The following BMPR1A variants were observed in gnomAD, a reference collection of about 807,000 sequenced individuals.
BMPR1A encodes the protein bone morphogenetic protein receptor type 1A.
A neutral mutation model predicts 66.0 loss-of-function variants in BMPR1A; 7 were observed. The observed-to-expected ratio is 0.11, with a 90% CI of 0.06 to 0.20. The LOEUF (loss-of-function observed/expected upper bound fraction) is 0.20, where lower values mean the gene tolerates loss of function less well. Among genes scored for constraint, BMPR1A ranks in the 10% least tolerant of loss-of-function variants. The probability of loss-of-function intolerance (pLI) is 1.00; values close to 1 mark genes in which losing one functional copy is unlikely to be tolerated. For synonymous variants in BMPR1A, 200 were observed against 229.7 expected (o/e 0.87, Z 1.17); for missense variants, 408 against 669.1 (o/e 0.61, Z 4.31).
intron 1 of BMPR1A, among the ~76,000 whole-genome samples, chr10:86,793,090 C>A (rs115284309): frequency 0.013 from 1,871 of 141,862 alleles, 41 homozygotes; most frequent in African/African-American, 0.047. Flanking sequence ...TCCTCCTGAT[C>A]TATACCCCCC....
chr10:86,919,743 A>C (rs1843635367), intron 10 of BMPR1A, among the ~76,000 whole-genome samples: 1 of 151,266 alleles, frequency 6.6e-6, no homozygotes, highest in Non-Finnish European at 1.5e-5. Flanking sequence ...TGTCTCACTC[A>C]GTTGCCCAGG....
At chr10:86,917,673 C>G (rs963250599) in intron 9 of BMPR1A, among the ~76,000 whole-genome samples, 2 of 152,186 alleles carry the variant, frequency 1.3e-5, no homozygotes, top group African/African-American at 4.8e-5. Context: ...CTCAACAGCC[C>G]AACATGCAGT....
At chr10:86,793,105 C>A (rs544903882) in intron 1 of BMPR1A, among the ~76,000 whole-genome samples, 1 of 138,294 alleles carries the variant, frequency 7.2e-6, no homozygotes, top group African/African-American at 2.8e-5. Flanking sequence ...CCCCCCCCCA[C>A]CCCCCGCCAC....
chr10:86,852,466 T>C (rs1842584043), intron 2 of BMPR1A, among the ~76,000 whole-genome samples: 1 of 152,000 alleles, frequency 6.6e-6, no homozygotes. Context: ...CTCAGAAAGC[T>C]GAGATGGGAG....
chr10:86,861,373 A>G (rs1050146865), intron 2 of BMPR1A, among the ~76,000 whole-genome samples: 5 of 152,120 alleles, frequency 3.3e-5, no homozygotes, highest in Non-Finnish European at 7.4e-5. Flanking sequence ...TTTTTTGGTC[A>G]TGCTTGTCAG....
chr10:86,881,110 G>C (rs1842979859), intron 3 of BMPR1A, among the ~76,000 whole-genome samples: 1 of 152,054 alleles, frequency 6.6e-6, no homozygotes, highest in Non-Finnish European at 1.5e-5. Flanking sequence ...TTAGCTGAGT[G>C]TGGTGATGTG....
At chr10:86,914,186 G>A (rs530995756) in intron 8 of BMPR1A, among the ~76,000 whole-genome samples, 46 of 151,650 alleles carry the variant, frequency 3.0e-4, no homozygotes, top group Non-Finnish European at 6.2e-4. Context: ...AACAGATGGT[G>A]CAGGAAATAT....
intron 1 of BMPR1A, among the ~76,000 whole-genome samples, chr10:86,838,288 C>T (rs1332185706): frequency 6.6e-6 from 1 of 152,094 alleles, no homozygotes; most frequent in Admixed American, 6.5e-5. Context: ...TTTATGAATG[C>T]TTGCCCCTTA....
chr10:86,853,031 A>G lies in BMPR1A; in HGVS notation c.-153+14052A>G, dbSNP rs564090797. On this transcript the variant is annotated intron_variant, in intron 2 of 12. Transcript: ENST00000372037. ...TTTGAAAGATTGATCAAGAAAAAAT[A>G]TAAAGTACAAATAATACTGAGGATA... Among the ~76,000 whole-genome samples the G allele has an allele frequency of 2.0e-5, 3 of 152,368 alleles. No homozygotes were observed. In the East Asian group the frequency reaches 5.8e-4, roughly 29 times the overall value.
At chr10:86,879,057 G>A (rs1212312056) in intron 3 of BMPR1A, among the ~76,000 whole-genome samples, 1 of 152,082 alleles carries the variant, frequency 6.6e-6, no homozygotes, top group Non-Finnish European at 1.5e-5. Context: ...ACAATAAAGA[G>A]CATGTAGTAA....
intron 1 of BMPR1A, among the ~76,000 whole-genome samples, chr10:86,795,950 T>C (rs1318768609): frequency 1.3e-5 from 2 of 152,144 alleles, no homozygotes; most frequent in African/African-American, 2.4e-5. Flanking sequence ...AAAAAATAAC[T>C]TTCTTGGCAC....
chr10:86,822,317 C>T (rs552653295), intron 1 of BMPR1A, among the ~76,000 whole-genome samples: 1 of 152,222 alleles, frequency 6.6e-6, no homozygotes, highest in Non-Finnish European at 1.5e-5. Context: ...GACCCTGTAT[C>T]CTGATTTTAC....
chr10:86,823,897 G>A (rs1470754149), intron 1 of BMPR1A, among the ~76,000 whole-genome samples: 1 of 152,160 alleles, frequency 6.6e-6, no homozygotes, highest in Non-Finnish European at 1.5e-5. Flanking sequence ...AAACGTTAGT[G>A]CTCTTCGGTT....
intron 7 of BMPR1A, among the ~76,000 whole-genome samples, chr10:86,910,510 T>G (rs1174497372): frequency 6.6e-6 from 1 of 152,090 alleles, no homozygotes; most frequent in Non-Finnish European, 1.5e-5. Context: ...CTCTCCAGAT[T>G]ACCAGAGAAA....
At chr10:86,803,819 T>G (rs2132881203) in intron 1 of BMPR1A, among the ~76,000 whole-genome samples, 1 of 152,338 alleles carries the variant, frequency 6.6e-6, no homozygotes, top group South Asian at 2.1e-4. Flanking sequence ...TTTTATCTGA[T>G]TCTACTGAAA....
At chr10:86,844,200 A>C (rs768334430) in intron 2 of BMPR1A, among the ~76,000 whole-genome samples, 2 of 152,220 alleles carry the variant, frequency 1.3e-5, no homozygotes, top group Non-Finnish European at 2.9e-5. Flanking sequence ...AACATATTCA[A>C]AGGGAGATTT....
intron 5 of BMPR1A, among the ~76,000 whole-genome samples, chr10:86,892,708 G>A (rs1393797360): frequency 6.6e-6 from 1 of 151,998 alleles, no homozygotes; most frequent in East Asian, 1.9e-4. Flanking sequence ...GATTACAGGT[G>A]TGAGCCACTG....
chr10:86,765,637 T>C (rs1479335437), intron 1 of BMPR1A, among the ~76,000 whole-genome samples: 1 of 152,180 alleles, frequency 6.6e-6, no homozygotes, highest in Admixed American at 6.5e-5. Flanking sequence ...CTCAGAACTT[T>C]TAATATGCTA....
Position 86,896,026 on chromosome 10 carries a change from C to G in BMPR1A, c.334-3768C>G, listed in dbSNP as rs563196379. ...AAAATTAGCCGGGCGTGGTGGCACA[C>G]TCCTGTAATCCCAGCTACTTGGGAG... On this transcript the variant is annotated intron_variant, in intron 5 of 12. Transcript: ENST00000372037. 5.9e-5 allele frequency among the ~76,000 whole-genome samples: 9 copies of G among 152,002 alleles called. No individual in the cohort carries two copies. In the South Asian group the frequency reaches 1.9e-3, roughly 32 times the overall value.
Sources: allele counts gnomAD v4.1 joint callset (sites outside exome capture counted in the v4.1 genomes callset), GRCh38; gene constraint gnomAD v4.1.1; transcripts MANE v1.5; gene names NCBI Gene and HGNC (gene_info 2026-07-23, HGNC 2026-07-21).